PTPRD: variants seen among roughly 807,000 people sequenced by gnomAD.
PTPRD encodes protein tyrosine phosphatase receptor type D.
Under a neutral mutation model 214.5 loss-of-function variants are expected in PTPRD, and 34 were observed. The observed-to-expected ratio is 0.16, with a 90% CI of 0.12 to 0.21. PTPRD has a LOEUF of 0.21. Ranked by LOEUF, PTPRD falls within the 10% of genes least tolerant of loss-of-function variation. PTPRD has a pLI of 1.00. For missense variants in PTPRD, 2,545 were observed against 2,398.7 expected, an observed-to-expected ratio of 1.06 and a Z score of -1.27; for synonymous variants, 1,128 against 845.7, an observed-to-expected ratio of 1.33 and a Z score of -5.79.
At chr9:9,670,969 G>A (rs938034151) in intron 7 of PTPRD, among the ~76,000 whole-genome samples, 11 of 152,148 alleles carry the variant, frequency 7.2e-5, no homozygotes, top group Non-Finnish European at 1.6e-4. Flanking sequence ...AGAAGAGTAA[G>A]AAGAGTCTCT....
intron 7 of PTPRD, among the ~76,000 whole-genome samples, chr9:9,678,132 G>C (rs1222504274): frequency 6.6e-6 from 1 of 152,044 alleles, no homozygotes; most frequent in Non-Finnish European, 1.5e-5. Context: ...TCGTGAAAAT[G>C]GCCATACTGC....
At chr9:9,755,250 G>T (rs1169186965) in intron 6 of PTPRD, among the ~76,000 whole-genome samples, 1 of 151,984 alleles carries the variant, frequency 6.6e-6, no homozygotes, top group Non-Finnish European at 1.5e-5. Context: ...GTACCAAGGG[G>T]TGATAAATGA....
intron 2 of PTPRD, among the ~76,000 whole-genome samples, chr9:10,363,337 T>C (rs1380949606): frequency 6.6e-6 from 1 of 152,176 alleles, no homozygotes; most frequent in Non-Finnish European, 1.5e-5. Context: ...TTTAAGTAAA[T>C]CAAAATCACT....
chr9:9,975,166 A>G (rs901748180), intron 4 of PTPRD, among the ~76,000 whole-genome samples: 2 of 152,146 alleles, frequency 1.3e-5, no homozygotes, highest in African/African-American at 4.8e-5. Context: ...AGCTGTGCCC[A>G]GTAGACACAG....
chr9:8,825,764 G>A (rs983547101), intron 11 of PTPRD, among the ~76,000 whole-genome samples: 1 of 151,916 alleles, frequency 6.6e-6, no homozygotes, highest in East Asian at 1.9e-4. Flanking sequence ...GCTAAACAAG[G>A]GGTGGATTAT....
chr9:10,459,662 C>CTTT (rs1022860509), intron 2 of PTPRD, among the ~76,000 whole-genome samples: 1 of 147,112 alleles, frequency 6.8e-6, no homozygotes, highest in Non-Finnish European at 1.5e-5. Flanking sequence ...TGATGAAGAG[C>CTTT]TTTTTTTTTT....
chr9:8,456,978 TG>T (rs1340003580), intron 33 of PTPRD, among the ~76,000 whole-genome samples: 1 of 152,196 alleles, frequency 6.6e-6, no homozygotes, highest in Non-Finnish European at 1.5e-5. Flanking sequence ...TGGACAGTTC[TG>T]GAATAAAGTC....
At chr9:10,537,265 A>C (rs944141541) in intron 2 of PTPRD, among the ~76,000 whole-genome samples, 1 of 152,164 alleles carries the variant, frequency 6.6e-6, no homozygotes, top group African/African-American at 2.4e-5. Flanking sequence ...AGCTGACATG[A>C]TATCTCTTAC....
intron 7 of PTPRD, among the ~76,000 whole-genome samples, chr9:9,615,413 C>G (rs918176273): frequency 1.3e-5 from 2 of 152,170 alleles, no homozygotes; most frequent in African/African-American, 4.8e-5. Flanking sequence ...CCCGGCCAAA[C>G]CAGTAAACAT....
At chr9:9,743,751 C>G (rs1375785645) in intron 6 of PTPRD, among the ~76,000 whole-genome samples, 1 of 150,358 alleles carries the variant, frequency 6.7e-6, no homozygotes, top group Non-Finnish European at 1.5e-5. Context: ...CACACACACA[C>G]ACACACACAC....
chr9:10,513,745 A>T (rs1401968657), intron 2 of PTPRD, among the ~76,000 whole-genome samples: 1 of 152,158 alleles, frequency 6.6e-6, no homozygotes, highest in Non-Finnish European at 1.5e-5. Context: ...GCAGTAGTCA[A>T]TGATTAGGGC....
intron 13 of PTPRD, among the ~76,000 whole-genome samples, chr9:8,636,067 C>G (rs1255671040): frequency 6.6e-6 from 1 of 152,162 alleles, no homozygotes; most frequent in Non-Finnish European, 1.5e-5. Context: ...CTTTAAAACA[C>G]TGGAACAAAT....
intron 9 of PTPRD, among the ~76,000 whole-genome samples, chr9:9,382,584 T>C (rs2062658177): frequency 6.6e-6 from 1 of 151,718 alleles, no homozygotes; most frequent in Non-Finnish European, 1.5e-5. Flanking sequence ...AGATGCAAAA[T>C]CAAAATGAAA....
intron 11 of PTPRD, among the ~76,000 whole-genome samples, chr9:8,959,826 G>A (rs2099149798): frequency 6.6e-6 from 1 of 151,926 alleles, no homozygotes; most frequent in South Asian, 2.1e-4. Flanking sequence ...TTTCTCCAGG[G>A]CATGTAGACG....
At chr9:9,452,202 C>G (rs182874829) in intron 8 of PTPRD, among the ~76,000 whole-genome samples, 25 of 151,470 alleles carry the variant, frequency 1.7e-4, no homozygotes, top group Admixed American at 1.4e-3. Flanking sequence ...GTCATTTAAA[C>G]CAATAACTAT....
At chr9:8,632,821 A>C (rs2096293500) in intron 14 of PTPRD, among the ~76,000 whole-genome samples, 1 of 152,058 alleles carries the variant, frequency 6.6e-6, no homozygotes, top group Non-Finnish European at 1.5e-5. Context: ...AGACAAATAA[A>C]AAATGTATTT....
At chr9:9,030,914 T>C (rs2099603256) in intron 10 of PTPRD, among the ~76,000 whole-genome samples, 1 of 151,966 alleles carries the variant, frequency 6.6e-6, no homozygotes, top group Non-Finnish European at 1.5e-5. Context: ...TTCTTATTCA[T>C]ATGTAGTGGT....
chr9:9,384,690 A>G (rs982241226), intron 9 of PTPRD, among the ~76,000 whole-genome samples: 2 of 151,978 alleles, frequency 1.3e-5, no homozygotes, highest in East Asian at 1.9e-4. Context: ...TTGTTTGCCA[A>G]TACTAATAAA....
intron 9 of PTPRD, among the ~76,000 whole-genome samples, chr9:9,246,915 C>T (rs1326461385): frequency 6.6e-6 from 1 of 152,000 alleles, no homozygotes; most frequent in Non-Finnish European, 1.5e-5. Context: ...AGCCACAGTA[C>T]ATTGGAAGGT....
Sources: gnomAD v4.1 joint callset for allele counts (sites outside exome capture counted in the v4.1 genomes callset) on GRCh38, gnomAD v4.1.1 for gene constraint, MANE v1.5 for transcripts, NCBI Gene and HGNC (gene_info 2026-07-23, HGNC 2026-07-21) for gene names.